The following ERP27 variants were observed in gnomAD, a reference collection of about 807,000 sequenced individuals.
ERP27 encodes endoplasmic reticulum resident protein 27.
A neutral mutation model predicts 27.7 loss-of-function variants in ERP27; 23 were observed. The observed-to-expected ratio is 0.83, with a 90% confidence interval of 0.60 to 1.18. The LOEUF is 1.18. Among genes scored for constraint, ERP27 ranks in the 50% most tolerant of loss-of-function variants. The pLI is 0.00. For synonymous variants in ERP27, 159 were observed against 118.3 expected (o/e 1.34, Z -2.23); for missense variants, 363 against 327.9 (o/e 1.11, Z -0.83).
rs762244632 is a variant in ERP27 at position 14,934,848 on chromosome 12, C to G, written c.333+8G>C. ...TGGGAGAAAGCTCAAGCTACCCACC[C>G]AACTTACCAGGCGAAAGAGGCAGAT... On this transcript the variant is annotated splice_region_variant and intron_variant, in intron 3 of 6. Coordinates refer to ENST00000266397, the MANE Select transcript of ERP27 (RefSeq NM_152321.4). The G allele has an allele frequency of 3.9e-5, 63 of 1,613,694 alleles. 1 individual carries two copies. The South Asian group carries it at 6.9e-4, about 18-fold the overall frequency.
intron 3 of ERP27, chr12:14,928,965 T>A: frequency 6.5e-7 from 1 of 1,535,202 alleles, no homozygotes; most frequent in Non-Finnish European, 8.7e-7. Context: ...AGCTGGCAAG[T>A]CTCCTTCATA....
chr12:14,931,128 T>G (rs558326683), intron 3 of ERP27, among the ~76,000 whole-genome samples: 2 of 152,252 alleles, frequency 1.3e-5, no homozygotes, highest in South Asian at 2.1e-4. Context: ...GTTGTGAGAT[T>G]TTGGGCAACT....
In ERP27 at chr12:14,933,366, G is replaced by A. The variant is rs12578645; in HGVS notation, c.333+1490C>T. On this transcript the variant is annotated intron_variant, in intron 3 of 6. Coordinates refer to ENST00000266397, the MANE Select transcript of ERP27 (RefSeq NM_152321.4). Reference sequence around the variant, plus strand: ...GGAAAGAGAGAACATTAAAAAGAAAGAAGTCATCACTAACATCATACATGA... The same window carrying A: ...GGAAAGAGAGAACATTAAAAAGAAAAAAGTCATCACTAACATCATACATGA... Among the ~76,000 whole-genome samples the A allele has an allele frequency of 6.0e-4, 91 of 152,262 alleles. No individual in the cohort carries two copies. In the East Asian group the frequency reaches 0.016, roughly 26 times the overall value.
intron 3 of ERP27, among the ~76,000 whole-genome samples, chr12:14,931,060 A>G (rs1302121049): frequency 2.6e-5 from 4 of 152,202 alleles, no homozygotes; most frequent in Non-Finnish European, 5.9e-5. Context: ...ATATAGTAAA[A>G]AGGGTATGAT....
chr12:14,920,044 G>A (rs965967297), intron 4 of ERP27, among the ~76,000 whole-genome samples: 2 of 152,218 alleles, frequency 1.3e-5, no homozygotes, highest in Admixed American at 1.3e-4. Context: ...AACTGGTATT[G>A]GAGAATAGAA....
intron 3 of ERP27, among the ~76,000 whole-genome samples, chr12:14,923,473 TATC>T (rs1592274937): frequency 6.9e-6 from 1 of 144,182 alleles, no homozygotes; most frequent in East Asian, 2.0e-4. Context: ...TACTATATAA[TATC>T]TATCTATCTA....
At chr12:14,935,911 G>T (rs1276094322) in intron 2 of ERP27, among the ~76,000 whole-genome samples, 1 of 152,128 alleles carries the variant, frequency 6.6e-6, no homozygotes, top group African/African-American at 2.4e-5. Context: ...TAGTAGAGAT[G>T]TGGTTTTGCC....
intron 3 of ERP27, among the ~76,000 whole-genome samples, chr12:14,923,053 G>C (rs1356405470): frequency 6.8e-6 from 1 of 146,468 alleles, no homozygotes; most frequent in Non-Finnish European, 1.5e-5. Context: ...CGGCCTGGGT[G>C]GCAGAGTGGA....
At chr12:14,920,288 G>A (rs755512498) in intron 4 of ERP27, among the ~76,000 whole-genome samples, 1 of 152,202 alleles carries the variant, frequency 6.6e-6, no homozygotes, top group African/African-American at 2.4e-5. Flanking sequence ...AGAAGGCTGA[G>A]GCATGGTGAG....
At position 14,914,497 on chromosome 12, in the gene ERP27, G is replaced by A; in HGVS notation, c.*238C>T. On this transcript the variant is annotated 3_prime_UTR_variant, in exon 7 of 7. Transcript: ENST00000266397. ...AAGAAGGAAATTGGATAGGGAGTGAGGATATGAAATTTAAAAGAAGGAAGA... is the reference window on the plus strand; with the variant it reads ...AAGAAGGAAATTGGATAGGGAGTGAAGATATGAAATTTAAAAGAAGGAAGA... The A allele has an allele frequency of 1.9e-6, 1 of 513,868 alleles. No homozygotes were observed. Among genetic ancestry groups the A allele is most frequent in the Non-Finnish European group, 3.4e-6 (1 of 291,726 alleles). The allele number at this position is 513,868 out of a possible 1,614,324, so 31.8% of individuals were successfully genotyped here. A position where few individuals can be genotyped will look rare whatever the true frequency, so the allele number is the denominator to read the frequency against.
intron 4 of ERP27, among the ~76,000 whole-genome samples, chr12:14,919,010 C>A (rs997248000): frequency 6.6e-6 from 1 of 152,104 alleles, no homozygotes; most frequent in Admixed American, 6.5e-5. Context: ...TGACCATAGC[C>A]GAATGGATTC....
chr12:14,935,856 C>T (rs1233419303), intron 2 of ERP27, among the ~76,000 whole-genome samples: 2 of 152,140 alleles, frequency 1.3e-5, no homozygotes, highest in Non-Finnish European at 2.9e-5. Flanking sequence ...GTAGCTGGGA[C>T]TACAGGTGTT....
chr12:14,914,772 C>T lies in ERP27; in HGVS notation c.785G>A (p.Arg262His), dbSNP rs371607071. ...FLSGKLLKEN[R>H]ESEGKTPKVE... ...CTTTGGAGTCTTTCCTTCTGATTCA[C>T]GATTTTCTTTCTGGAAAACATTATA... Residue 262 changes from arginine (R) to histidine (H), a missense_variant, in exon 7 of 7, where the codon CGT becomes CAT. Transcript: ENST00000266397. The T allele has an allele frequency of 2.5e-5, 41 of 1,613,440 alleles. No individual in the cohort carries two copies. Among genetic ancestry groups the T allele is most frequent in the South Asian group, 1.5e-4 (14 of 91,034 alleles).
At chr12:14,915,406 G>A (rs1312247238) in intron 6 of ERP27, 83 bp downstream of exon 6, 3 of 1,473,380 alleles carry the variant, frequency 2.0e-6, no homozygotes, top group East Asian at 4.6e-5. Flanking sequence ...CTCCCTCTCT[G>A]AGCCCAAAGA....
rs1421003718 is a variant in ERP27 at position 14,937,975 on chromosome 12, C to T, written c.172G>A (p.Val58Met). 2.5e-6 allele frequency: 4 copies of T among 1,613,948 alleles called. No homozygotes were observed. The highest frequency in any genetic ancestry group is 2.7e-5 in the African/African-American group (2 of 74,898). Residue 58 changes from valine (V) to methionine (M), a missense_variant, in exon 2 of 7, where the codon GTG becomes ATG. Val to Met is a conservative substitution (Grantham distance 21). Transcript: ENST00000266397. ...ACCTGGAAGAAGCCTATGACAGCCA[C>T]CTCAGTGGCAGCAATGAATTCCATG... ...AAMEFIAATE[V>M]AVIGFFQDLE...
At position 14,934,838 on chromosome 12, in the gene ERP27, G is replaced by C. The variant is rs79482276; in HGVS notation, c.333+18C>G. 2.3e-3 allele frequency: 3,649 copies of C among 1,613,578 alleles called. 66 individuals carry two copies. The African/African-American group carries it at 0.039, about 17-fold the overall frequency. On this transcript the variant is annotated intron_variant, in intron 3 of 6. Coordinates refer to ENST00000266397, the MANE Select transcript of ERP27 (RefSeq NM_152321.4). ...AGTGAAAATCTGGGAGAAAGCTCAA[G>C]CTACCCACCCAACTTACCAGGCGAA...
rs765302409 is a variant in ERP27 at position 14,920,992 on chromosome 12, G to C, written c.390C>G (p.Thr130=). ...EDEDIESIDA[T]KLSRFIEINS... ...TGATCTCAATGAAACGGCTCAATTT[G>C]GTGGCATCAATGCTTTCAATGTCTT... Residue 130 remains threonine, a synonymous_variant, in exon 4 of 7, where the codon ACC becomes ACG. Transcript: ENST00000266397. 2 of 1,614,086 alleles carry C rather than the reference G, an allele frequency of 1.2e-6. No homozygotes were observed. The highest frequency in any genetic ancestry group is 1.7e-6 in the Non-Finnish European group (2 of 1,179,986).
chr12:14,930,223 T>A lies in ERP27; in HGVS notation c.333+4633A>T, dbSNP rs570021494. On this transcript the variant is annotated intron_variant, in intron 3 of 6. Coordinates refer to ENST00000266397, the MANE Select transcript of ERP27 (RefSeq NM_152321.4). ...GAATAAAATAAAAAATGTTTTATAA[T>A]CTGACATATCTTCTTGCATTTCTTA... Among the ~76,000 whole-genome samples, 6 of 152,304 alleles carry A rather than the reference T, an allele frequency of 3.9e-5. No homozygotes were observed. In the South Asian group the frequency reaches 1.2e-3, roughly 32 times the overall value.
At chr12:14,935,181 G>A in intron 2 of ERP27, 188 bp from the exon 3 acceptor site, 6 of 984,928 alleles carry the variant, frequency 6.1e-6, no homozygotes, top group Non-Finnish European at 6.0e-6. Context: ...TCCAGGCTCT[G>A]TAAGTTAATA....
Sources: allele counts gnomAD v4.1 joint callset (sites outside exome capture counted in the v4.1 genomes callset), GRCh38; gene constraint gnomAD v4.1.1; transcripts MANE v1.5; gene names NCBI Gene and HGNC (gene_info 2026-07-23, HGNC 2026-07-21).